OR56A3: variants seen among roughly 807,000 people sequenced by gnomAD.
OR56A3 encodes olfactory receptor 56A3.
A neutral mutation model predicts 17.5 loss-of-function variants in OR56A3; 23 were observed. The observed-to-expected ratio is 1.32, with a 90% CI of 0.95 to 1.87. The LOEUF is 1.87. Among genes scored for constraint, OR56A3 ranks in the 40% most tolerant of loss-of-function variants. The pLI is 0.00. For synonymous variants in OR56A3, 175 were observed against 150.6 expected, an observed-to-expected ratio of 1.16 and a Z score of -1.19; for missense variants, 366 against 380.1, an observed-to-expected ratio of 0.96 and a Z score of 0.31.
rs759245603 is a variant in OR56A3 at position 5,947,316 on chromosome 11, TGAAA to T, written c.-25_-22del. The T allele has an allele frequency of 1.3e-6, 2 of 1,528,732 alleles. No individual in the cohort carries two copies. Among genetic ancestry groups the T allele is most frequent in the Non-Finnish European group, 1.8e-6 (2 of 1,131,254 alleles). The allele number at this position is 1,528,732 out of a possible 1,614,324, so 94.7% of individuals were successfully genotyped here. A position where few individuals can be genotyped will look rare whatever the true frequency, so the allele number is the denominator to read the frequency against. On this transcript the variant is annotated 5_prime_UTR_variant, in exon 3 of 3. Transcript: ENST00000641160. ...TTGTAATCATAATTTTCCAGATCAC[TGAAA>T]GAAAGCAGTAAAATATATGGGAAAA... is the stretch of plus-strand genomic sequence containing the variant.
At chr11:5,975,758 T>C in the OR56A3 span, among the ~76,000 whole-genome samples, 37 of 152,152 alleles carry the variant, frequency 2.4e-4, no homozygotes, top group African/African-American at 8.2e-4. Flanking sequence ...GTATTTCTAG[T>C]TCTAGATCCC....
the OR56A3 span, among the ~76,000 whole-genome samples, chr11:5,980,066 C>T: frequency 1.3e-5 from 2 of 151,912 alleles, no homozygotes; most frequent in Non-Finnish European, 2.9e-5. Context: ...GGTATAATTT[C>T]AATTTTGTTT....
chr11:6,013,706 A>G, the OR56A3 span, among the ~76,000 whole-genome samples: 4 of 152,058 alleles, frequency 2.6e-5, no homozygotes, highest in African/African-American at 9.7e-5. Context: ...GCCCAAGCAC[A>G]CATCTGGGGG....
At chr11:5,990,488 G>T in the OR56A3 span, among the ~76,000 whole-genome samples, 1 of 152,142 alleles carries the variant, frequency 6.6e-6, no homozygotes, top group African/African-American at 2.4e-5. Context: ...AAATAAGAGG[G>T]TTTCTTTGGT....
the OR56A3 span, among the ~76,000 whole-genome samples, chr11:6,013,052 C>T: frequency 6.6e-6 from 1 of 152,238 alleles, no homozygotes; most frequent in Non-Finnish European, 1.5e-5. Flanking sequence ...GGGTCTACAG[C>T]CCCAACTTGG....
chr11:6,019,365 C>T, the OR56A3 span: 2 of 152,092 alleles, frequency 1.3e-5, no homozygotes, highest in Non-Finnish European at 1.5e-5. Context: ...AATGGTTCAA[C>T]GCATGCAAAT....
At chr11:5,945,357 G>A (rs773329267) in intron 2 of OR56A3, among the ~76,000 whole-genome samples, 13 of 151,844 alleles carry the variant, frequency 8.6e-5, no homozygotes, top group Non-Finnish European at 1.3e-4. Flanking sequence ...GGTGGATCTC[G>A]AGGTCAGGAG....
At position 5,944,835 on chromosome 11, in the gene OR56A3, T is replaced by C. The variant is rs1361619529; in HGVS notation, c.-284T>C. 1 of 152,136 alleles carries C rather than the reference T, an allele frequency of 6.6e-6. No individual in the cohort carries two copies. Among genetic ancestry groups the C allele is most frequent in the Non-Finnish European group, 1.5e-5 (1 of 68,024 alleles). 9.4% of individuals were successfully genotyped at this position (152,136 alleles called of 1,614,324 possible). On this transcript the variant is annotated 5_prime_UTR_variant, in exon 2 of 3. Coordinates refer to ENST00000641160, the MANE Select transcript of OR56A3 (RefSeq NM_001003443.3). ...AAAGAATTGGGAGAATATCTAAATC[T>C]CTTCTATATATGAGGTGAAGGGCCA...
chr11:5,989,135 C>T, the OR56A3 span, among the ~76,000 whole-genome samples: 1 of 152,230 alleles, frequency 6.6e-6, no homozygotes, highest in East Asian at 1.9e-4. Flanking sequence ...ATAACAATGA[C>T]ATTTTTATTG....
At chr11:6,002,393 G>C in the OR56A3 span, 1 of 1,614,252 alleles carries the variant, frequency 6.2e-7, no homozygotes, top group South Asian at 1.1e-5. Flanking sequence ...CAAACTGGTA[G>C]AGCTGATTGA....
chr11:6,010,145 A>C, the OR56A3 span, among the ~76,000 whole-genome samples: 1 of 152,164 alleles, frequency 6.6e-6, no homozygotes, highest in Non-Finnish European at 1.5e-5. Context: ...AATTTATTTA[A>C]CCATTTTAAA....
At chr11:6,007,872 T>G in the OR56A3 span, among the ~76,000 whole-genome samples, 1 of 152,202 alleles carries the variant, frequency 6.6e-6, no homozygotes, top group African/African-American at 2.4e-5. Flanking sequence ...GGAGTATCAG[T>G]GGTCTGGACC....
At chr11:5,997,331 T>C in the OR56A3 span, among the ~76,000 whole-genome samples, 4 of 152,222 alleles carry the variant, frequency 2.6e-5, no homozygotes, top group African/African-American at 4.8e-5. Context: ...TACATGACTC[T>C]CATGCTCATT....
At chr11:5,968,548 C>T in the OR56A3 span, 4 of 1,243,824 alleles carry the variant, frequency 3.2e-6, 1 homozygote, top group South Asian at 2.7e-5. Context: ...TGATAAGACA[C>T]AGGAATTAGA....
At chr11:5,987,130 A>G in the OR56A3 span, 1 of 605,880 alleles carries the variant, frequency 1.7e-6, no homozygotes, top group Non-Finnish European at 2.9e-6. Context: ...GTTTAGAGAT[A>G]AGAGTAAACA....
At chr11:5,975,867 CTGT>C in the OR56A3 span, among the ~76,000 whole-genome samples, 3 of 152,160 alleles carry the variant, frequency 2.0e-5, no homozygotes, top group East Asian at 1.9e-4. Flanking sequence ...TCTCCAGCAC[CTGT>C]TGTTTCCTGA....
the OR56A3 span, among the ~76,000 whole-genome samples, chr11:5,973,585 A>C: frequency 1.3e-5 from 2 of 152,288 alleles, no homozygotes; most frequent in East Asian, 3.9e-4. Flanking sequence ...GTTTGTGATT[A>C]TGAAGTTAAA....
chr11:5,970,271 A>C, the OR56A3 span, among the ~76,000 whole-genome samples: 2 of 152,264 alleles, frequency 1.3e-5, no homozygotes, highest in Non-Finnish European at 2.9e-5. Context: ...AAAAAGAGCA[A>C]AAGAGGTAAA....
the OR56A3 span, among the ~76,000 whole-genome samples, chr11:5,992,469 C>T: frequency 6.6e-6 from 1 of 152,196 alleles, no homozygotes; most frequent in African/African-American, 2.4e-5. Flanking sequence ...TTTTGCTCCT[C>T]TCACTCCCTG....
Sources: gnomAD v4.1 joint callset for allele counts (sites outside exome capture counted in the v4.1 genomes callset) on GRCh38, gnomAD v4.1.1 for gene constraint, MANE v1.5 for transcripts, NCBI Gene and HGNC (gene_info 2026-07-23, HGNC 2026-07-21) for gene names.